The following GPC5 variants were observed in gnomAD, a reference collection of about 807,000 sequenced individuals.
GPC5 encodes glypican-5.
A neutral mutation model predicts 53.9 loss-of-function variants in GPC5; 47 were observed. That is an observed-to-expected ratio of 0.87 (90% confidence interval 0.69 to 1.11). The LOEUF is 1.11. Ranked by LOEUF, GPC5 falls within the 50% of genes most tolerant of loss-of-function variation. GPC5 has a pLI of 0.00. For synonymous variants in GPC5, 286 were observed against 263.3 expected (o/e 1.09, Z -0.84); for missense variants, 748 against 713.1 (o/e 1.05, Z -0.56).
intron 6 of GPC5, among the ~76,000 whole-genome samples, chr13:92,137,123 G>A (rs1194798670): frequency 3.3e-5 from 5 of 151,924 alleles, no homozygotes; most frequent in African/African-American, 4.8e-5. Flanking sequence ...AGTGTCATGC[G>A]CAGAACCCTG....
intron 6 of GPC5, among the ~76,000 whole-genome samples, chr13:91,985,013 A>G (rs1248342094): frequency 1.3e-5 from 2 of 152,202 alleles, no homozygotes; most frequent in African/African-American, 2.4e-5. Context: ...TTCTGTCATT[A>G]GTGATATTTT....
intron 3 of GPC5, among the ~76,000 whole-genome samples, chr13:91,709,993 C>T (rs767812433): frequency 6.6e-6 from 1 of 152,216 alleles, no homozygotes; most frequent in Non-Finnish European, 1.5e-5. Context: ...CATTCCAAGT[C>T]TCCTGACTTG....
chr13:91,833,928 C>G (rs2038692974), intron 5 of GPC5, among the ~76,000 whole-genome samples: 1 of 152,046 alleles, frequency 6.6e-6, no homozygotes, highest in African/African-American at 2.4e-5. Context: ...AAAGTGTATT[C>G]AAATAGGAAA....
At chr13:91,647,601 A>T (rs1053691869) in intron 2 of GPC5, among the ~76,000 whole-genome samples, 5 of 152,146 alleles carry the variant, frequency 3.3e-5, no homozygotes, top group African/African-American at 1.2e-4. Context: ...GCCTGTTCCT[A>T]GGAAAAACGG....
chr13:92,053,633 G>C (rs538903790), intron 6 of GPC5, among the ~76,000 whole-genome samples: 11 of 151,846 alleles, frequency 7.2e-5, no homozygotes, highest in African/African-American at 2.7e-4. Flanking sequence ...TTTATATACA[G>C]ATATATGAAA....
chr13:91,785,563 C>T (rs755808481), intron 5 of GPC5, among the ~76,000 whole-genome samples: 4 of 152,226 alleles, frequency 2.6e-5, no homozygotes. Flanking sequence ...GTATATCCAA[C>T]TGCTTACTTG....
chr13:91,972,608 T>C (rs971147682), intron 6 of GPC5, among the ~76,000 whole-genome samples: 12 of 151,604 alleles, frequency 7.9e-5, no homozygotes, highest in African/African-American at 2.2e-4. Flanking sequence ...CTGGTACCGG[T>C]TGTTCCTTTC....
chr13:91,428,750 T>C (rs1388835663), intron 1 of GPC5, among the ~76,000 whole-genome samples: 1 of 152,132 alleles, frequency 6.6e-6, no homozygotes, highest in East Asian at 1.9e-4. Flanking sequence ...TTTTTGTTAA[T>C]GTGAAGTTTT....
chr13:92,297,549 A>G (rs1018684212), intron 7 of GPC5, among the ~76,000 whole-genome samples: 2 of 152,012 alleles, frequency 1.3e-5, no homozygotes, highest in African/African-American at 4.8e-5. Flanking sequence ...GAATGCACCA[A>G]TCGACACTCT....
intron 7 of GPC5, among the ~76,000 whole-genome samples, chr13:92,264,481 A>G (rs2042787378): frequency 6.6e-6 from 1 of 152,002 alleles, no homozygotes; most frequent in African/African-American, 2.4e-5. Flanking sequence ...GAGTTGCAAG[A>G]AGCACACACA....
intron 7 of GPC5, among the ~76,000 whole-genome samples, chr13:92,384,992 C>G (rs571628353): frequency 6.6e-6 from 1 of 152,146 alleles, no homozygotes; most frequent in African/African-American, 2.4e-5. Flanking sequence ...AATGTAAAGA[C>G]GTAATGACTT....
chr13:92,522,173 C>A (rs1881082037), intron 7 of GPC5, among the ~76,000 whole-genome samples: 1 of 152,148 alleles, frequency 6.6e-6, no homozygotes, highest in Non-Finnish European at 1.5e-5. Flanking sequence ...GTTGGTGGGA[C>A]TGTAAACTAG....
chr13:91,669,441 A>G (rs1387868720), intron 2 of GPC5, among the ~76,000 whole-genome samples: 1 of 152,198 alleles, frequency 6.6e-6, no homozygotes, highest in Non-Finnish European at 1.5e-5. Context: ...TGGTTAACAG[A>G]CACTAATTTA....
intron 1 of GPC5, among the ~76,000 whole-genome samples, chr13:91,405,806 T>C (rs1467611574): frequency 6.6e-6 from 1 of 152,202 alleles, no homozygotes; most frequent in Non-Finnish European, 1.5e-5. Context: ...GGTCTCACTC[T>C]GTCACCCAGG....
chr13:92,145,043 T>C lies in GPC5; in HGVS notation c.1561+54T>C, dbSNP rs78813140. The C allele has an allele frequency of 3.9e-5, 50 of 1,268,982 alleles. No individual in the cohort carries two copies. The African/African-American group carries it at 7.2e-4, about 18-fold the overall frequency. 78.6% of individuals were successfully genotyped at this position (1,268,982 alleles called of 1,614,324 possible). A position where few individuals can be genotyped will look rare whatever the true frequency, so the allele number is the denominator to read the frequency against. Reference sequence around the variant, plus strand: ...TTAAAACAATGATTTTGAAATATAATTAAAGATATTGTTATGGATGTAAAG... The same window carrying C: ...TTAAAACAATGATTTTGAAATATAACTAAAGATATTGTTATGGATGTAAAG... On this transcript the variant is annotated intron_variant, in intron 7 of 7. Transcript: ENST00000377067.
intron 4 of GPC5, among the ~76,000 whole-genome samples, chr13:91,755,595 G>A (rs965908513): frequency 6.6e-6 from 1 of 152,054 alleles, no homozygotes; most frequent in Non-Finnish European, 1.5e-5. Context: ...CAAAAAACCT[G>A]CTTGTTGTTG....
intron 2 of GPC5, among the ~76,000 whole-genome samples, chr13:91,531,204 G>C (rs939984891): frequency 3.3e-5 from 5 of 152,328 alleles, no homozygotes; most frequent in Middle Eastern, 6.8e-3. Context: ...CACATTGTAT[G>C]TATGGTCTTA....
intron 7 of GPC5, among the ~76,000 whole-genome samples, chr13:92,519,378 G>T: frequency 6.6e-6 from 1 of 152,172 alleles, no homozygotes. Context: ...ATAGTTGGAA[G>T]TAAAACACTC....
At chr13:92,325,803 G>A (rs2043246776) in intron 7 of GPC5, among the ~76,000 whole-genome samples, 1 of 152,010 alleles carries the variant, frequency 6.6e-6, no homozygotes, top group South Asian at 2.1e-4. Context: ...AAACCAATAA[G>A]GAGTGACAGA....
Sources: gnomAD v4.1 joint callset for allele counts (sites outside exome capture counted in the v4.1 genomes callset) on GRCh38, gnomAD v4.1.1 for gene constraint, MANE v1.5 for transcripts, NCBI Gene and HGNC (gene_info 2026-07-23, HGNC 2026-07-21) for gene names.